ADGRD1: variants seen among roughly 807,000 people sequenced by gnomAD.
The protein encoded by ADGRD1 is adhesion G protein-coupled receptor D1.
Under a neutral mutation model 113.4 loss-of-function variants are expected in ADGRD1, and 77 were observed. The ratio of observed to expected loss-of-function variants is 0.68; its 90% CI spans 0.57 to 0.82. ADGRD1 has a LOEUF of 0.82. Ranked by LOEUF, ADGRD1 falls within the 40% of genes least tolerant of loss-of-function variation. ADGRD1 has a pLI of 0.00. For synonymous variants in ADGRD1, 474 were observed against 475.0 expected (o/e 1.00, Z 0.03); for missense variants, 1,036 against 1,139.1 (o/e 0.91, Z 1.30).
chr12:131,092,901 TAAAA>T (rs1483481933), intron 15 of ADGRD1, among the ~76,000 whole-genome samples: 2 of 148,824 alleles, frequency 1.3e-5, no homozygotes, highest in East Asian at 2.0e-4. Flanking sequence ...TTTTTTTAAA[TAAAA>T]CAAGAAGAGG....
chr12:131,070,031 C>A (rs1377445230), intron 13 of ADGRD1: 3 of 152,202 alleles, frequency 2.0e-5, no homozygotes, highest in Non-Finnish European at 4.4e-5. Flanking sequence ...TTCCTATTCC[C>A]ACGGAGATGA....
chr12:131,110,773 C>T (rs77462315), intron 18 of ADGRD1, among the ~76,000 whole-genome samples: 5,447 of 152,242 alleles, frequency 0.036, 313 homozygotes, highest in African/African-American at 0.13. Context: ...TGCTTTCAGC[C>T]TGGAGAACTT....
chr12:131,131,033 C>T (rs1223366856), intron 20 of ADGRD1, among the ~76,000 whole-genome samples: 1 of 152,242 alleles, frequency 6.6e-6, no homozygotes, highest in Non-Finnish European at 1.5e-5. Context: ...CTCACCCTAA[C>T]CCCGCAGCCA....
chr12:131,084,525 C>T lies in ADGRD1; in HGVS notation c.1548-15C>T, dbSNP rs756216088. 1 of 1,614,072 alleles carries T rather than the reference C, an allele frequency of 6.2e-7. No individual in the cohort carries two copies. The highest frequency in any genetic ancestry group is 1.1e-5 in the South Asian group (1 of 91,084). On this transcript the variant is annotated splice_polypyrimidine_tract_variant and intron_variant, in intron 14 of 24. Coordinates refer to ENST00000261654, the MANE Select transcript of ADGRD1 (RefSeq NM_198827.5). The surrounding 1 kb of genome is among the most constrained non-coding windows in gnomAD (Gnocchi z 4.5). ...GCGGTGCTACCTCCTCTGATCCTTT[C>T]TCCTGTGTCCTCAGCTCCGGAGAAG...
intron 5 of ADGRD1, among the ~76,000 whole-genome samples, chr12:130,986,447 A>C (rs1044361773): frequency 9.9e-4 from 150 of 152,216 alleles, no homozygotes; most frequent in African/African-American, 3.3e-3. Flanking sequence ...TGTAAATTCT[A>C]CTTGTTCGTT....
At chr12:131,076,910 G>A in intron 14 of ADGRD1, 36 bp downstream of exon 14, 1 of 1,564,882 alleles carries the variant, frequency 6.4e-7, no homozygotes, top group African/African-American at 1.4e-5. Context: ...GTGGGCATGA[G>A]GTGTCCAAGC....
chr12:131,132,702 G>C (rs1024860489), intron 21 of ADGRD1, among the ~76,000 whole-genome samples: 12 of 152,170 alleles, frequency 7.9e-5, no homozygotes, highest in African/African-American at 2.7e-4. Context: ...CTGGACCTGT[G>C]CCCTCCCTGA....
chr12:131,078,644 A>G, intron 14 of ADGRD1, among the ~76,000 whole-genome samples: 1 of 152,226 alleles, frequency 6.6e-6, no homozygotes, highest in East Asian at 1.9e-4. Flanking sequence ...GGAGAATAAT[A>G]TAACAAATGC....
At chr12:131,029,319 T>A (rs1434481064) in intron 13 of ADGRD1, among the ~76,000 whole-genome samples, 1 of 152,158 alleles carries the variant, frequency 6.6e-6, no homozygotes, top group Non-Finnish European at 1.5e-5. Context: ...CCTCTGTGCC[T>A]CCCCCTCCTC....
intron 13 of ADGRD1, among the ~76,000 whole-genome samples, chr12:131,018,688 A>G (rs1878939580): frequency 6.6e-6 from 1 of 152,218 alleles, no homozygotes; most frequent in Admixed American, 6.5e-5. Context: ...TTTTACACAC[A>G]AAGGGCAAAT....
At chr12:130,995,009 C>T (rs1360003170) in intron 8 of ADGRD1, among the ~76,000 whole-genome samples, 2 of 152,222 alleles carry the variant, frequency 1.3e-5, no homozygotes, top group Non-Finnish European at 2.9e-5. Flanking sequence ...ATCTCTTCAT[C>T]ACGGGCTAGA....
intron 7 of ADGRD1, among the ~76,000 whole-genome samples, chr12:130,991,993 C>A (rs749459766): frequency 6.6e-6 from 1 of 151,904 alleles, no homozygotes; most frequent in Admixed American, 6.6e-5. Flanking sequence ...TGGTGGTGCA[C>A]GCCTGTAGTC....
intron 3 of ADGRD1, chr12:130,969,288 T>A (rs1462259629): frequency 5.9e-6 from 3 of 509,900 alleles, no homozygotes; most frequent in Non-Finnish European, 7.0e-6. Flanking sequence ...GGGTCCCCAG[T>A]CCCTGGGCCA....
At chr12:131,108,936 G>A in intron 18 of ADGRD1, 59 bp downstream of exon 18, 2 of 1,069,424 alleles carry the variant, frequency 1.9e-6, no homozygotes, top group Non-Finnish European at 2.7e-6. Context: ...AGACAGGTGG[G>A]GATGGGGCAG....
intron 7 of ADGRD1, 110 bp downstream of exon 7, chr12:130,991,188 T>G (rs1367633302): frequency 3.7e-6 from 3 of 802,364 alleles, no homozygotes; most frequent in East Asian, 5.1e-5. Context: ...TTATCGGCAG[T>G]ACATTGTCTG....
intron 13 of ADGRD1, among the ~76,000 whole-genome samples, chr12:131,044,393 C>A (rs906228145): frequency 6.6e-6 from 1 of 152,164 alleles, no homozygotes; most frequent in Non-Finnish European, 1.5e-5. Context: ...CGAGTTCCCC[C>A]CTTGACAGGA....
chr12:131,106,346 A>T (rs1950235555), intron 17 of ADGRD1, among the ~76,000 whole-genome samples: 1 of 152,110 alleles, frequency 6.6e-6, no homozygotes, highest in African/African-American at 2.4e-5. Context: ...AGACCTGCAG[A>T]CCTAGATGCC....
At chr12:131,131,584 TTGTCCCAGTGATGCCCCTG>T in intron 20 of ADGRD1, 122 bp from the exon 21 acceptor site, 1 of 623,952 alleles carries the variant, frequency 1.6e-6, no homozygotes, top group Non-Finnish European at 2.9e-6. Context: ...AGGGTGAGAT[TTGTCCCAGTGATGCCCCTG>T]TGTCCCAGGA....
intron 24 of ADGRD1, 128 bp downstream of exon 24, chr12:131,138,357 A>C: frequency 1.8e-5 from 13 of 711,916 alleles, no homozygotes; most frequent in Non-Finnish European, 2.0e-5. Context: ...TCCCCCTCTC[A>C]TGCCTGCAGG....
Sources: gnomAD v4.1 joint callset for allele counts (sites outside exome capture counted in the v4.1 genomes callset) on GRCh38, gnomAD v4.1.1 for gene constraint, Gnocchi (gnomAD v3.1) non-coding constraint, MANE v1.5 for transcripts, NCBI Gene and HGNC (gene_info 2026-07-23, HGNC 2026-07-21) for gene names.